The following SLC31A1 variants were observed in gnomAD, a reference collection of about 807,000 sequenced individuals.
The protein encoded by SLC31A1 is solute carrier family 31 member 1.
SLC31A1 carries 5 observed loss-of-function variants against 17.2 expected under a neutral mutation model. That is an observed-to-expected ratio of 0.29 (90% CI 0.15 to 0.61). SLC31A1 has a LOEUF of 0.61. SLC31A1 is among the 20% of genes least tolerant of loss of function. SLC31A1 has a pLI of 0.86. For missense variants in SLC31A1, 161 were observed against 241.4 expected (o/e 0.67, Z 2.21); for synonymous variants, 76 against 78.8 (o/e 0.96, Z 0.19).
intron 1 of SLC31A1, among the ~76,000 whole-genome samples, chr9:113,226,155 T>G (rs978879883): frequency 2.7e-5 from 4 of 147,008 alleles, no homozygotes; most frequent in Non-Finnish European, 4.5e-5. Context: ...AAAAAAGAAA[T>G]AAAGAAAGCA....
intron 1 of SLC31A1, among the ~76,000 whole-genome samples, chr9:113,241,068 A>C (rs1165893185): frequency 4.0e-5 from 6 of 151,636 alleles, no homozygotes; most frequent in Non-Finnish European, 8.8e-5. Flanking sequence ...AAAAAAAAAA[A>C]ATTATTGAGG....
At chr9:113,260,200 C>G in intron 4 of SLC31A1, 72 bp from the exon 5 acceptor site, 28 of 1,324,510 alleles carry the variant, frequency 2.1e-5, no homozygotes, top group African/African-American at 2.9e-5. Context: ...ATGGCAAGAA[C>G]TCTTCCCTCT....
At chr9:113,224,633 G>C (rs1470224994) in intron 1 of SLC31A1, among the ~76,000 whole-genome samples, 3 of 152,112 alleles carry the variant, frequency 2.0e-5, no homozygotes, top group African/African-American at 7.2e-5. Flanking sequence ...TCTCCATGTT[G>C]GTCAGGCTGG....
Position 113,225,364 on chromosome 9 carries a change from T to A in SLC31A1, c.-36+3686T>A, listed in dbSNP as rs945146941. 3.9e-5 allele frequency among the ~76,000 whole-genome samples: 6 copies of A among 152,212 alleles called. No individual in the cohort carries two copies. The South Asian group carries it at 1.0e-3, about 26-fold the overall frequency. On this transcript the variant is annotated intron_variant, in intron 1 of 4. Transcript: ENST00000374212. ...CAAGGTGACAAGTTTGTACTTAGAT[T>A]GGTAGGAAGTGGAATTTTTTATTCT...
chr9:113,251,191 G>A (rs1230799079), intron 1 of SLC31A1, among the ~76,000 whole-genome samples: 2 of 152,224 alleles, frequency 1.3e-5, no homozygotes, highest in African/African-American at 4.8e-5. Flanking sequence ...GGGAGGCCAA[G>A]GTGGGCAGAT....
chr9:113,260,564 C>G lies in SLC31A1; in HGVS notation c.*91C>G. 1.1e-6 allele frequency: 1 copy of G among 946,174 alleles called. No individual in the cohort carries two copies. The highest frequency in any genetic ancestry group is 1.3e-5 in the South Asian group (1 of 74,414). 58.6% of individuals were successfully genotyped at this position (946,174 alleles called of 1,614,324 possible). On this transcript the variant is annotated 3_prime_UTR_variant, in exon 5 of 5. Transcript: ENST00000374212. The stretch of plus-strand genomic sequence containing the variant: ...TTCCTGCTCCAATCATCCCTTCTTG[C>G]TCCTCTTTGTGCACGTACACACACA...
At chr9:113,226,104 C>T (rs1831338525) in intron 1 of SLC31A1, among the ~76,000 whole-genome samples, 1 of 150,848 alleles carries the variant, frequency 6.6e-6, no homozygotes, top group African/African-American at 2.4e-5. Flanking sequence ...CCACTGTGCG[C>T]CAACCTGGGC....
At chr9:113,243,999 C>T (rs1265838392) in intron 1 of SLC31A1, among the ~76,000 whole-genome samples, 1 of 151,578 alleles carries the variant, frequency 6.6e-6, no homozygotes, top group Non-Finnish European at 1.5e-5. Flanking sequence ...ACTAAAAATA[C>T]AAAAAATTAG....
intron 1 of SLC31A1, among the ~76,000 whole-genome samples, chr9:113,241,924 G>A (rs965601871): frequency 4.6e-5 from 7 of 152,202 alleles, no homozygotes; most frequent in Non-Finnish European, 7.3e-5. Flanking sequence ...TATTAGGAAA[G>A]GCACAATATA....
chr9:113,251,412 A>G (rs1831650871), intron 1 of SLC31A1, among the ~76,000 whole-genome samples: 1 of 151,882 alleles, frequency 6.6e-6, no homozygotes, highest in African/African-American at 2.4e-5. Context: ...ACAGAGTGAG[A>G]CTCTATCTAA....
At chr9:113,250,525 T>C (rs1831637096) in intron 1 of SLC31A1, among the ~76,000 whole-genome samples, 1 of 121,838 alleles carries the variant, frequency 8.2e-6, no homozygotes, top group Non-Finnish European at 1.7e-5. Flanking sequence ...CTGGGGACTG[T>C]TGTGGGGTTG....
chr9:113,227,083 A>G (rs763858796), intron 1 of SLC31A1, among the ~76,000 whole-genome samples: 5 of 152,108 alleles, frequency 3.3e-5, no homozygotes, highest in African/African-American at 4.8e-5. Flanking sequence ...TTCGATAGGT[A>G]TGCAATAAAT....
At chr9:113,237,156 A>AT (rs1831468593) in intron 1 of SLC31A1, among the ~76,000 whole-genome samples, 1 of 152,206 alleles carries the variant, frequency 6.6e-6, no homozygotes, top group South Asian at 2.1e-4. Flanking sequence ...ATGGAAGTCC[A>AT]TTTTCACCCC....
chr9:113,252,978 G>A (rs1208465564), intron 1 of SLC31A1, among the ~76,000 whole-genome samples: 2 of 138,216 alleles, frequency 1.4e-5, no homozygotes, highest in Non-Finnish European at 3.0e-5. Context: ...TTTTGAGACG[G>A]AGTCTTGCTC....
At position 113,258,685 on chromosome 9, in the gene SLC31A1, C is replaced by A. The variant is rs1314616592; in HGVS notation, c.203-9C>A. ...TGACAGTACCTCCATATTTTCCTTC[C>A]ATACTTAGAAATGGCTGGAGCTTTT... On this transcript the variant is annotated splice_polypyrimidine_tract_variant and intron_variant, in intron 3 of 4. Coordinates refer to ENST00000374212, the MANE Select transcript of SLC31A1 (RefSeq NM_001859.4). The surrounding 1 kb of genome is among the most constrained non-coding windows in gnomAD (Gnocchi z 4.8). The A allele has an allele frequency of 6.2e-7, 1 of 1,614,024 alleles. No individual in the cohort carries two copies. Among genetic ancestry groups the A allele is most frequent in the Admixed American group, 1.7e-5 (1 of 60,016 alleles).
chr9:113,242,888 A>G (rs1037228799), intron 1 of SLC31A1, among the ~76,000 whole-genome samples: 1 of 152,108 alleles, frequency 6.6e-6, no homozygotes, highest in Non-Finnish European at 1.5e-5. Context: ...CCCTTCTTCT[A>G]CTCTTAGAAA....
In SLC31A1 at chr9:113,234,739, C is replaced by G. The variant is rs1268326725; in HGVS notation, c.-36+13061C>G. 2.6e-5 allele frequency among the ~76,000 whole-genome samples: 4 copies of G among 152,118 alleles called. No individual in the cohort carries two copies. In the East Asian group the frequency reaches 7.7e-4, roughly 29 times the overall value. On this transcript the variant is annotated intron_variant, in intron 1 of 4. Coordinates refer to ENST00000374212, the MANE Select transcript of SLC31A1 (RefSeq NM_001859.4). ...CCCAAACTTCCCTGATGATTCTGAT[C>G]CAGGTGGTCCTTGGACCACACTTTG...
intron 1 of SLC31A1, among the ~76,000 whole-genome samples, chr9:113,226,075 G>T (rs989029479): frequency 1.3e-5 from 2 of 151,836 alleles, no homozygotes; most frequent in East Asian, 3.9e-4. Context: ...GGCGGAGGTT[G>T]CAGTGAGCTG....
chr9:113,240,421 G>A (rs761040932), intron 1 of SLC31A1, among the ~76,000 whole-genome samples: 17 of 152,104 alleles, frequency 1.1e-4, no homozygotes, highest in African/African-American at 2.7e-4. Context: ...AGTTTCTTGC[G>A]CTCAAGAAGC....
Sources: allele counts gnomAD v4.1 joint callset (sites outside exome capture counted in the v4.1 genomes callset), GRCh38; gene constraint gnomAD v4.1.1; non-coding constraint Gnocchi (gnomAD v3.1); transcripts MANE v1.5; gene names NCBI Gene and HGNC (gene_info 2026-07-23, HGNC 2026-07-21).